Variants in TRIO observed in about 807,000 individuals in gnomAD.
The protein encoded by TRIO is triple functional domain protein.
In TRIO, 58 loss-of-function variants were observed where a neutral mutation model predicts 351.9. That is an observed-to-expected ratio of 0.16 (90% CI 0.13 to 0.21). The LOEUF is 0.21. TRIO is among the 10% of genes least tolerant of loss of function. The pLI is 1.00. For missense variants in TRIO, 3,201 were observed against 4,027.8 expected, an observed-to-expected ratio of 0.79 and a Z score of 5.56; for synonymous variants, 1,758 against 1,595.7, an observed-to-expected ratio of 1.10 and a Z score of -2.42.
chr5:14,343,285 T>TAG (rs1274469510), intron 11 of TRIO, among the ~76,000 whole-genome samples: 3 of 152,198 alleles, frequency 2.0e-5, no homozygotes, highest in Admixed American at 2.0e-4. Flanking sequence ...TGTGTGTGTT[T>TAG]AGTCCTGTGC....
At chr5:14,498,462 C>T in intron 52 of TRIO, 57 bp from the exon 53 acceptor site, 1 of 1,584,292 alleles carries the variant, frequency 6.3e-7, no homozygotes, top group South Asian at 1.1e-5. Flanking sequence ...GAGGCCAGCG[C>T]TGATGGCCAC....
intron 46 of TRIO, among the ~76,000 whole-genome samples, chr5:14,483,367 C>CT (rs1209975820): frequency 3.9e-5 from 6 of 152,220 alleles, no homozygotes; most frequent in African/African-American, 1.4e-4. Context: ...CAGCAGATGA[C>CT]TCCTGGGAGA....
chr5:14,147,452 G>C (rs116006738), intron 1 of TRIO, among the ~76,000 whole-genome samples: 6 of 152,172 alleles, frequency 3.9e-5, no homozygotes, highest in Non-Finnish European at 8.8e-5. Context: ...CCTTGTGAGA[G>C]CGTGTGTGTG....
At chr5:14,318,607 A>G (rs982591576) in intron 9 of TRIO, among the ~76,000 whole-genome samples, 23 of 152,314 alleles carry the variant, frequency 1.5e-4, no homozygotes, top group Admixed American at 6.5e-4. Context: ...CTTCTTAACA[A>G]TGTTGTTTTA....
chr5:14,389,177 A>G (rs2152363033), intron 24 of TRIO, 112 bp from the exon 25 acceptor site: 2 of 769,768 alleles, frequency 2.6e-6, no homozygotes, highest in Non-Finnish European at 2.0e-6. Context: ...TCCAGTCCTT[A>G]GTTATACTTT....
intron 1 of TRIO, among the ~76,000 whole-genome samples, chr5:14,210,589 T>C (rs1425373698): frequency 1.6e-5 from 2 of 127,936 alleles, no homozygotes; most frequent in East Asian, 5.1e-4. Context: ...CAAACCACTT[T>C]TGAAAGTGTT....
At chr5:14,374,056 G>A (rs992160904) in intron 18 of TRIO, among the ~76,000 whole-genome samples, 173 bp from the exon 19 acceptor site, 3 of 152,218 alleles carry the variant, frequency 2.0e-5, no homozygotes, top group African/African-American at 7.2e-5. Context: ...GGCTTCAGGA[G>A]AGAGAGATTT....
chr5:14,186,710 T>G (rs1207624358), intron 1 of TRIO, among the ~76,000 whole-genome samples: 1 of 152,092 alleles, frequency 6.6e-6, no homozygotes, highest in Non-Finnish European at 1.5e-5. Flanking sequence ...CCTAAGTAGT[T>G]GGGATTATAG....
intron 34 of TRIO, among the ~76,000 whole-genome samples, chr5:14,449,175 C>T (rs187651264): frequency 3.3e-5 from 5 of 152,264 alleles, no homozygotes; most frequent in African/African-American, 9.6e-5. Context: ...ATCTGCCAGG[C>T]GAGCCATCAA....
chr5:14,400,914 C>T (rs751407404), intron 30 of TRIO, 49 bp from the exon 31 acceptor site: 85 of 1,573,034 alleles, frequency 5.4e-5, no homozygotes, highest in Non-Finnish European at 6.8e-5. Context: ...GTTCTGCATC[C>T]TTCTAGAATT....
intron 18 of TRIO, among the ~76,000 whole-genome samples, chr5:14,373,154 A>G (rs545187510): frequency 1.3e-5 from 2 of 152,088 alleles, no homozygotes; most frequent in Admixed American, 1.3e-4. Context: ...TGATTCAGTC[A>G]CCTCCCACGA....
At chr5:14,250,763 G>T (rs541488835) in intron 1 of TRIO, among the ~76,000 whole-genome samples, 1 of 152,148 alleles carries the variant, frequency 6.6e-6, no homozygotes, top group African/African-American at 2.4e-5. Flanking sequence ...GCCTTTCTCC[G>T]TGGTCACCAT....
chr5:14,405,720 G>A (rs909341872), intron 31 of TRIO, 128 bp from the exon 32 acceptor site: 28 of 1,110,964 alleles, frequency 2.5e-5, no homozygotes, highest in Admixed American at 7.7e-5. Context: ...CGTCGGATGT[G>A]GTTGCTTTTC....
intron 4 of TRIO, among the ~76,000 whole-genome samples, chr5:14,288,391 G>A (rs1254156202): frequency 2.6e-5 from 4 of 152,170 alleles, no homozygotes; most frequent in Admixed American, 6.5e-5. Context: ...CAGCAGGACC[G>A]GGTGTGGTGG....
chr5:14,403,432 G>C (rs1748338433), intron 31 of TRIO, among the ~76,000 whole-genome samples: 1 of 103,736 alleles, frequency 9.6e-6, no homozygotes, highest in Non-Finnish European at 1.9e-5. Context: ...TGAGGGTGTA[G>C]GTTGTGGTGA....
intron 16 of TRIO, 37 bp downstream of exon 16, chr5:14,367,016 C>G: frequency 1.9e-6 from 3 of 1,611,996 alleles, no homozygotes; most frequent in Admixed American, 1.7e-5. Context: ...TTGGCTCTTT[C>G]ATTCCTCAGG....
chr5:14,446,441 A>G (rs1752446814), intron 34 of TRIO, among the ~76,000 whole-genome samples: 1 of 152,192 alleles, frequency 6.6e-6, no homozygotes, highest in Admixed American at 6.5e-5. Context: ...TCAATAAATG[A>G]CAAAATGGTG....
chr5:14,329,478 A>G (rs1281931153), intron 9 of TRIO, among the ~76,000 whole-genome samples: 2 of 152,194 alleles, frequency 1.3e-5, no homozygotes, highest in Non-Finnish European at 2.9e-5. Flanking sequence ...TCAACGAGGA[A>G]CAAGCCTTCA....
chr5:14,295,159 G>A (rs1254464452), intron 6 of TRIO, among the ~76,000 whole-genome samples: 3 of 152,054 alleles, frequency 2.0e-5, no homozygotes, highest in Non-Finnish European at 4.4e-5. Context: ...CCTTCTGCTC[G>A]CTATAGTGTT....
Sources: gnomAD v4.1 joint callset for allele counts (sites outside exome capture counted in the v4.1 genomes callset) on GRCh38, gnomAD v4.1.1 for gene constraint, MANE v1.5 for transcripts, NCBI Gene and HGNC (gene_info 2026-07-23, HGNC 2026-07-21) for gene names.